Variants in ANLN observed in about 807,000 individuals in gnomAD.
ANLN encodes the protein anillin.
ANLN carries 59 observed loss-of-function variants against 135.1 expected under a neutral mutation model. The ratio of observed to expected loss-of-function variants is 0.44; its 90% confidence interval spans 0.35 to 0.54. ANLN has a LOEUF of 0.54. Ranked by LOEUF, ANLN falls within the 20% of genes least tolerant of loss-of-function variation. The pLI is 0.00. For missense variants in ANLN, 1,182 were observed against 1,340.0 expected (o/e 0.88, Z 1.84); for synonymous variants, 406 against 456.4 (o/e 0.89, Z 1.41).
chr7:36,419,397 A>G lies in ANLN; in HGVS notation c.1787A>G (p.Glu596Gly), dbSNP rs760156753. 3.5e-5 allele frequency: 57 copies of G among 1,614,066 alleles called. No homozygotes were observed. In the East Asian group the frequency reaches 1.3e-3, roughly 36 times the overall value. ...EMDQALAESS[E>G]EQEDALNISS... is the part of the protein sequence containing the mutation. ...GATCAAGCATTAGCAGAAAGCAGCG[A>G]AGAACAGGAAGATGCACTGAATATC... The change falls in exon 10 of 24, where the codon GAA becomes GGA. Residue 596 changes from glutamate to glycine, a missense_variant. This residue lies in a region of ANLN where 1,022 missense variants were observed against 1,134.0 expected (regional missense o/e 0.90). Coordinates refer to ENST00000265748, the MANE Select transcript of ANLN (RefSeq NM_018685.5).
chr7:36,435,530 A>G (rs1168947829), intron 20 of ANLN, among the ~76,000 whole-genome samples: 1 of 151,982 alleles, frequency 6.6e-6, no homozygotes, highest in Non-Finnish European at 1.5e-5. Flanking sequence ...GGAATCAAAG[A>G]ATGTGTACTC....
chr7:36,438,025 G>C (rs1214907467), intron 20 of ANLN, among the ~76,000 whole-genome samples: 1 of 152,172 alleles, frequency 6.6e-6, no homozygotes, highest in Non-Finnish European at 1.5e-5. Flanking sequence ...CTAACCTCAG[G>C]TGATTCACCC....
Position 36,396,306 on chromosome 7 carries a change from A to C in ANLN, c.59A>C (p.Gln20Pro), listed in dbSNP as rs1319261872. Reference protein sequence around the residue: ...ERTRARRENLQRKMAERPTAA... With the variant: ...ERTRARRENLPRKMAERPTAA... ...ACCCGTGCCAGGCGAGAGAATCTTCAGAGAAAAATGGCTGAGAGGCCCACA... is the reference window on the plus strand; with the variant it reads ...ACCCGTGCCAGGCGAGAGAATCTTCCGAGAAAAATGGCTGAGAGGCCCACA... Residue 20 changes from glutamine to proline, a missense_variant, in exon 2 of 24, where the codon CAG becomes CCG. Coordinates refer to ENST00000265748, the MANE Select transcript of ANLN (RefSeq NM_018685.5). The C allele has an allele frequency of 6.2e-7, 1 of 1,607,866 alleles. No homozygotes were observed. The highest frequency in any genetic ancestry group is 2.2e-5 in the East Asian group (1 of 44,778).
At chr7:36,429,771 T>C (rs901452861) in intron 20 of ANLN, among the ~76,000 whole-genome samples, 1 of 152,198 alleles carries the variant, frequency 6.6e-6, no homozygotes, top group African/African-American at 2.4e-5. Context: ...CAATGACATA[T>C]CTTAAATATA....
intron 3 of ANLN, among the ~76,000 whole-genome samples, chr7:36,399,729 A>G (rs1010030418): frequency 3.3e-5 from 5 of 152,222 alleles, no homozygotes; most frequent in African/African-American, 1.2e-4. Context: ...ATCCTATTTC[A>G]TGGATTCAAA....
At chr7:36,408,962 C>T (rs1316241711) in intron 5 of ANLN, among the ~76,000 whole-genome samples, 2 of 152,138 alleles carry the variant, frequency 1.3e-5, no homozygotes, top group Non-Finnish European at 2.9e-5. Context: ...TAAGGTTTAA[C>T]TTTTTGAAAA....
rs184149188 is a variant in ANLN, at chr7:36,422,005, C to G, written c.2299+13C>G. On this transcript the variant is annotated intron_variant, in intron 13 of 23. Transcript: ENST00000265748. ...CTTCTAATTGCAAGTAAGTGTGATG[C>G]ACCTGAAAGAGTTCCAACAAATTTC... The G allele has an allele frequency of 1.3e-5, 21 of 1,602,342 alleles. No homozygotes were observed. Among genetic ancestry groups the G allele is most frequent in the Non-Finnish European group, 1.8e-5 (21 of 1,176,810 alleles).
chr7:36,450,024 A>G (rs910590432), intron 23 of ANLN, among the ~76,000 whole-genome samples, 187 bp downstream of exon 23: 1 of 152,254 alleles, frequency 6.6e-6, no homozygotes, highest in Non-Finnish European at 1.5e-5. Context: ...AGTTAAGGAA[A>G]GTATAATACT....
At position 36,422,792 on chromosome 7, in the gene ANLN, G is replaced by A. The variant is rs141759962; in HGVS notation, c.2459G>A (p.Ser820Asn). The A allele has an allele frequency of 1.2e-6, 2 of 1,604,916 alleles. No individual in the cohort carries two copies. The highest frequency in any genetic ancestry group is 2.7e-5 in the African/African-American group (2 of 74,518). The change falls in exon 14 of 24, where the codon AGT becomes AAT. Residue 820 changes from serine to asparagine, a missense_variant. Physicochemically the swap from Ser to Asn is conservative, Grantham distance 46. Transcript: ENST00000265748. The part of the protein sequence containing the change: ...RLPLKADFVC[S>N]TVQKPDAANY... ...CCTCTAAAAGCAGATTTTGTCTGCAGTACGGTTCAGAAACCAGGTATGGTG... is the reference window on the plus strand; with the variant it reads ...CCTCTAAAAGCAGATTTTGTCTGCAATACGGTTCAGAAACCAGGTATGGTG...
At chr7:36,410,957 T>G in intron 6 of ANLN, 102 bp from the exon 7 acceptor site, 2 of 1,130,946 alleles carry the variant, frequency 1.8e-6, no homozygotes, top group South Asian at 3.4e-5. Context: ...TGTTTAAACT[T>G]TTTAAACAGT....
At chr7:36,403,816 A>C (rs1787070821) in intron 3 of ANLN, among the ~76,000 whole-genome samples, 1 of 151,992 alleles carries the variant, frequency 6.6e-6, no homozygotes, top group Admixed American at 6.6e-5. Flanking sequence ...AGCCCAGCTA[A>C]GTTTTGCATT....
At chr7:36,397,652 C>G (rs1247180264) in intron 2 of ANLN, among the ~76,000 whole-genome samples, 1 of 152,180 alleles carries the variant, frequency 6.6e-6, no homozygotes, top group Non-Finnish European at 1.5e-5. Context: ...GTGGCTCACG[C>G]CTGTAATCCC....
chr7:36,449,948 C>A (rs1457116593), intron 23 of ANLN, 111 bp downstream of exon 23: 2 of 1,008,438 alleles, frequency 2.0e-6, no homozygotes, highest in Non-Finnish European at 2.8e-6. Flanking sequence ...AAGGGCACAG[C>A]CTTAGTGAGA....
In ANLN at chr7:36,407,961, C is replaced by A; in HGVS notation, c.1096+5C>A. On this transcript the variant is annotated splice_donor_5th_base_variant and intron_variant, in intron 5 of 23. Transcript: ENST00000265748. ...AAGACAAATCTACGACACCAGGTTA[C>A]GTATTTATAAAAAATTTAGTTATTG... 1 of 1,601,970 alleles carries A rather than the reference C, an allele frequency of 6.2e-7. No homozygotes were observed. The highest frequency in any genetic ancestry group is 8.5e-7 in the Non-Finnish European group (1 of 1,173,344).
chr7:36,399,525 C>A (rs1256382261), intron 3 of ANLN, 132 bp downstream of exon 3: 1 of 828,796 alleles, frequency 1.2e-6, no homozygotes, highest in Non-Finnish European at 1.8e-6. Context: ...GTATCCTTTG[C>A]TTGCATATGG....
At chr7:36,390,655 A>G (rs1344532085) in intron 1 of ANLN, 1 of 153,150 alleles carries the variant, frequency 6.5e-6, no homozygotes, top group African/African-American at 2.4e-5. Flanking sequence ...AATTGAAACA[A>G]TGCAAGTGTA....
At chr7:36,410,480 G>T (rs766201795) in intron 5 of ANLN, 34 bp from the exon 6 acceptor site, 1 of 1,521,286 alleles carries the variant, frequency 6.6e-7, no homozygotes, top group Non-Finnish European at 8.8e-7. Context: ...TTTTTATTTT[G>T]AATAGCCTCC....
In ANLN at chr7:36,416,135, C is replaced by T. The variant is rs111417534; in HGVS notation, c.1522+251C>T. Reference sequence around the variant, plus strand: ...TCCCGGGTTCAAACGATTTTCCTGCCTCAGCCTCCCGAGTAGCTGGGATTA... The same window carrying T: ...TCCCGGGTTCAAACGATTTTCCTGCTTCAGCCTCCCGAGTAGCTGGGATTA... On this transcript the variant is annotated intron_variant, in intron 8 of 23. Coordinates refer to ENST00000265748, the MANE Select transcript of ANLN (RefSeq NM_018685.5). Among the ~76,000 whole-genome samples the T allele has an allele frequency of 0.037, 5,659 of 152,242 alleles. 138 individuals are homozygous for T. Among genetic ancestry groups the T allele is most frequent in the African/African-American group, 0.06 (2,490 of 41,522 alleles).
intron 7 of ANLN, among the ~76,000 whole-genome samples, chr7:36,413,128 A>AGGAG (rs1042443998): frequency 5.9e-5 from 9 of 151,428 alleles, no homozygotes; most frequent in African/African-American, 2.2e-4. Context: ...ATTTGAAGGA[A>AGGAG]GAAATGCGTT....
Sources: gnomAD v4.1 joint callset for allele counts (sites outside exome capture counted in the v4.1 genomes callset) on GRCh38, gnomAD v4.1.1 for gene constraint, gnomAD v4.1.1 regional missense constraint, MANE v1.5 for transcripts, NCBI Gene and HGNC (gene_info 2026-07-23, HGNC 2026-07-21) for gene names.